The following TBC1D21 variants were observed in gnomAD, a reference collection of about 807,000 sequenced individuals.
The protein encoded by TBC1D21 is male germ cell Rab GTPase-activating protein.
Under a neutral mutation model 46.0 loss-of-function variants are expected in TBC1D21, and 38 were observed. The ratio of observed to expected loss-of-function variants is 0.83; its 90% CI spans 0.64 to 1.08. The LOEUF (loss-of-function observed/expected upper bound fraction) is 1.08, where lower values mean the gene tolerates loss of function less well. TBC1D21 is among the 50% of genes least tolerant of loss of function. The pLI is 0.00. For synonymous variants in TBC1D21, 151 were observed against 157.2 expected (o/e 0.96, Z 0.29); for missense variants, 415 against 417.9 (o/e 0.99, Z 0.06).
At chr15:73,888,038 G>A (rs1007978455) in intron 9 of TBC1D21, among the ~76,000 whole-genome samples, 3 of 152,142 alleles carry the variant, frequency 2.0e-5, no homozygotes, top group African/African-American at 4.8e-5. Flanking sequence ...CTACCATCTC[G>A]CAGTTAACCC....
rs2068057275 is a variant in TBC1D21, at chr15:73,876,199, G to GGTGTTTTTTTTTTTTTTT, written c.60+2430_60+2431insGTGTTTTTTTTTTTTTTT. Among the ~76,000 whole-genome samples, 5 of 28,314 alleles carry GGTGTTTTTTTTTTTTTTT rather than the reference G, an allele frequency of 1.8e-4. 2 individuals carry two copies. The highest frequency in any genetic ancestry group is 1.2e-3 in the Admixed American group (2 of 1,656). 18.6% of individuals were successfully genotyped at this position (28,314 alleles called of 152,430 possible). On this transcript the variant is annotated intron_variant, in intron 1 of 10. Coordinates refer to ENST00000300504, the MANE Select transcript of TBC1D21 (RefSeq NM_153356.3). ...GAAGAATCAGTGACTTTTTTTGTGG[G>GGTGTTTTTTTTTTTTTTT]TTTTTTTTTTTTTTTTTTTTTTTTT...
chr15:73,909,417 C>T, the TBC1D21 span, among the ~76,000 whole-genome samples: 1 of 152,148 alleles, frequency 6.6e-6, no homozygotes, highest in East Asian at 1.9e-4. Context: ...AGGCAAAGTG[C>T]ATAATAAATG....
chr15:73,888,631 T>C (rs2068301405), intron 10 of TBC1D21, 118 bp downstream of exon 10: 3 of 728,054 alleles, frequency 4.1e-6, no homozygotes, highest in Admixed American at 4.2e-5. Context: ...CTCTTCTTCC[T>C]CCTCCTCTTC....
At chr15:73,898,880 A>AAAAAAAATATATATATATATAT in the TBC1D21 span, among the ~76,000 whole-genome samples, 27 of 56,754 alleles carry the variant, frequency 4.8e-4, no homozygotes, top group Non-Finnish European at 6.4e-4. Flanking sequence ...AAAAAAAAAA[A>AAAAAAAATATATATATATATAT]ATATATATAT....
rs1290748575 is a variant in TBC1D21, at chr15:73,888,446, T to C, written c.911T>C (p.Ile304Thr). The C allele has an allele frequency of 8.1e-6, 13 of 1,613,864 alleles. No homozygotes were observed. The East Asian group carries it at 1.8e-4, about 22-fold the overall frequency. ...DDILLACNNL[I>T]DLDADELISA... is the part of the protein sequence containing the mutation. ...CCCATGCAGGCCTGCAACAACCTCA[T>C]CGACCTTGATGCTGATGAGCTGATC... The change falls in exon 10 of 11, where the codon ATC (isoleucine) becomes ACC (threonine). Residue 304 changes from isoleucine to threonine, a missense_variant. Coordinates refer to ENST00000300504, the MANE Select transcript of TBC1D21 (RefSeq NM_153356.3).
chr15:73,906,651 G>A, the TBC1D21 span, among the ~76,000 whole-genome samples: 12 of 152,184 alleles, frequency 7.9e-5, no homozygotes, highest in Non-Finnish European at 1.2e-4. Flanking sequence ...GTCCATCCAG[G>A]GCAAGTGCCT....
At chr15:73,891,654 C>A (rs554912483), downstream of TBC1D21, among the ~76,000 whole-genome samples, 34 of 152,336 alleles carry the variant, frequency 2.2e-4, no homozygotes, top group African/African-American at 8.2e-4. Context: ...CACTGCCTGG[C>A]CTCTCCCCAC....
At chr15:73,884,655 C>T (rs1567066913) in intron 4 of TBC1D21, 126 bp from the exon 5 acceptor site, 5 of 677,106 alleles carry the variant, frequency 7.4e-6, no homozygotes, top group South Asian at 1.8e-5. Flanking sequence ...GCTGATGTAC[C>T]TTTCACAGCT....
chr15:73,885,058 C>A lies in TBC1D21; in HGVS notation c.534C>A (p.His178Gln). Reference sequence around the variant, plus strand: ...TGCTCTTCCAGCTGATGGTGGAGCACGACCACGAGACCTTCTGGCTTTTCC... The same window carrying A: ...TGCTCTTCCAGCTGATGGTGGAGCAAGACCACGAGACCTTCTGGCTTTTCC... ...MMMLFQLMVEHDHETFWLFQF... is the reference protein window; with the variant it reads ...MMMLFQLMVEQDHETFWLFQF... The change falls in exon 6 of 11, where the codon CAC becomes CAA. Residue 178 changes from histidine (H) to glutamine (Q), a missense_variant. Coordinates refer to ENST00000300504, the MANE Select transcript of TBC1D21 (RefSeq NM_153356.3). 2.5e-6 allele frequency: 4 copies of A among 1,613,470 alleles called. No homozygotes were observed. The South Asian group carries it at 4.4e-5, about 18-fold the overall frequency.
At chr15:73,875,957 C>G (rs745324520) in intron 1 of TBC1D21, among the ~76,000 whole-genome samples, 3 of 152,220 alleles carry the variant, frequency 2.0e-5, no homozygotes, top group Non-Finnish European at 1.5e-5. Flanking sequence ...TACACATTCT[C>G]TGATTTCTAG....
At chr15:73,890,379 C>T (rs548211184), downstream of TBC1D21, among the ~76,000 whole-genome samples, 20 of 152,316 alleles carry the variant, frequency 1.3e-4, 1 homozygote, top group African/African-American at 4.3e-4. Context: ...CCAGCAACAC[C>T]TTCTCTGCAT....
chr15:73,885,977 C>A (rs1169788095), intron 6 of TBC1D21, 101 bp from the exon 7 acceptor site: 2 of 911,854 alleles, frequency 2.2e-6, no homozygotes, highest in Non-Finnish European at 3.5e-6. Context: ...CACAGACAGA[C>A]ACACAGAGCC....
the TBC1D21 span, among the ~76,000 whole-genome samples, chr15:73,896,529 T>C: frequency 6.6e-6 from 1 of 150,828 alleles, no homozygotes; most frequent in Admixed American, 6.6e-5. Context: ...TGGGGGGAGT[T>C]GGTGACAATG....
At chr15:73,893,358 A>G (rs1451504476), downstream of TBC1D21, among the ~76,000 whole-genome samples, 3 of 152,226 alleles carry the variant, frequency 2.0e-5, no homozygotes, top group Admixed American at 1.3e-4. Context: ...GGCCATGAGC[A>G]TAAAGAAAAT....
At chr15:73,881,556 T>A (rs768056470) in intron 2 of TBC1D21, 50 bp downstream of exon 2, 7 of 1,602,954 alleles carry the variant, frequency 4.4e-6, no homozygotes, top group Non-Finnish European at 6.0e-6. Flanking sequence ...GGAGCATGGA[T>A]GGGCAGGGGG....
chr15:73,883,022 G>T (rs1432883180), intron 3 of TBC1D21, among the ~76,000 whole-genome samples: 1 of 152,228 alleles, frequency 6.6e-6, no homozygotes, highest in Non-Finnish European at 1.5e-5. Flanking sequence ...GTACACACTG[G>T]CTGAGTCAGA....
At chr15:73,892,942 G>T (rs1284664911), downstream of TBC1D21, among the ~76,000 whole-genome samples, 1 of 152,218 alleles carries the variant, frequency 6.6e-6, no homozygotes, top group Non-Finnish European at 1.5e-5. Flanking sequence ...CAGTGATGGT[G>T]GTGAAGCTAA....
At chr15:73,875,701 A>G (rs2068048200) in intron 1 of TBC1D21, among the ~76,000 whole-genome samples, 1 of 152,180 alleles carries the variant, frequency 6.6e-6, no homozygotes, top group Non-Finnish European at 1.5e-5. Context: ...GGAGATTTCC[A>G]TAGCTGCTCT....
At chr15:73,874,110 G>A (rs2068017200) in intron 1 of TBC1D21, among the ~76,000 whole-genome samples, 2 of 152,218 alleles carry the variant, frequency 1.3e-5, no homozygotes, top group Admixed American at 6.5e-5. Flanking sequence ...TGGCAGTAAT[G>A]CTTTTGTTAG....
Sources: gnomAD v4.1 joint callset for allele counts (sites outside exome capture counted in the v4.1 genomes callset) on GRCh38, gnomAD v4.1.1 for gene constraint, MANE v1.5 for transcripts, NCBI Gene and HGNC (gene_info 2026-07-23, HGNC 2026-07-21) for gene names.